UGT1A8: variants seen among roughly 807,000 people sequenced by gnomAD.
The protein encoded by UGT1A8 is UDP-glucuronosyltransferase 1A8.
UGT1A8 carries 39 observed loss-of-function variants against 45.3 expected under a neutral mutation model. That is an observed-to-expected ratio of 0.86 (90% CI 0.67 to 1.12). The LOEUF (loss-of-function observed/expected upper bound fraction) is 1.12, where lower values mean the gene tolerates loss of function less well. Ranked by LOEUF, UGT1A8 falls within the 50% of genes most tolerant of loss-of-function variation. The pLI is 0.00. For synonymous variants in UGT1A8, 275 were observed against 249.2 expected (o/e 1.10, Z -0.97); for missense variants, 719 against 664.9 (o/e 1.08, Z -0.90).
At chr2:233,648,965 T>A in intron 1 of UGT1A8, 2 of 1,440,998 alleles carry the variant, frequency 1.4e-6, no homozygotes, top group South Asian at 1.2e-5. Context: ...CCCAAACCTG[T>A]GATGCCCAAT....
chr2:233,690,168 G>A (rs967401019), intron 1 of UGT1A8, among the ~76,000 whole-genome samples: 1 of 152,284 alleles, frequency 6.6e-6, no homozygotes, highest in Admixed American at 6.5e-5. Context: ...ATGTAGTTAT[G>A]TTTTTATAGC....
intron 1 of UGT1A8, among the ~76,000 whole-genome samples, chr2:233,707,503 C>T (rs2075965043): frequency 6.7e-6 from 1 of 148,792 alleles, no homozygotes; most frequent in Non-Finnish European, 1.5e-5. Flanking sequence ...CGGTACTTAA[C>T]ATAAATAGAA....
intron 1 of UGT1A8, chr2:233,738,818 A>G (rs779696858): frequency 6.6e-6 from 1 of 152,242 alleles, no homozygotes; most frequent in Non-Finnish European, 1.5e-5. Flanking sequence ...AGAAATTTGA[A>G]TAAATAAGGA....
intron 1 of UGT1A8, chr2:233,729,228 G>A (rs752170717): frequency 1.9e-6 from 3 of 1,614,046 alleles, no homozygotes; most frequent in South Asian, 1.1e-5. Context: ...TGTTGGTGGT[G>A]CCCATTGATG....
chr2:233,766,377 A>G (rs1392093575), intron 1 of UGT1A8, among the ~76,000 whole-genome samples: 1 of 151,914 alleles, frequency 6.6e-6, no homozygotes. Flanking sequence ...AGTTCTTCTC[A>G]ATGTCCAGCT....
In UGT1A8 at chr2:233,763,074, C is replaced by T. The variant is rs112277298; in HGVS notation, c.856-3960C>T. On this transcript the variant is annotated intron_variant, in intron 1 of 4. Coordinates refer to ENST00000373450, the MANE Select transcript of UGT1A8 (RefSeq NM_019076.5). ...TTGATTTAGATAATTTCCTTCTTTGCGTGAGGATGTTTGTAGGAGAGGCAC... is the reference window on the plus strand; with the variant it reads ...TTGATTTAGATAATTTCCTTCTTTGTGTGAGGATGTTTGTAGGAGAGGCAC... Among the ~76,000 whole-genome samples, 590 of 152,258 alleles carry T rather than the reference C, an allele frequency of 3.9e-3. 2 individuals are homozygous for T. Among genetic ancestry groups the T allele is most frequent in the Admixed American group, 5.9e-3 (90 of 15,292 alleles).
chr2:233,741,958 T>C (rs4663965), intron 1 of UGT1A8: 83,397 of 151,744 alleles, frequency 0.55, 25,208 homozygotes, highest in African/African-American at 0.8. Flanking sequence ...GGTACTTTCT[T>C]GTTGTGTTTA....
At chr2:233,719,141 G>C in intron 1 of UGT1A8, 1 of 1,614,274 alleles carries the variant, frequency 6.2e-7, no homozygotes, top group Non-Finnish European at 8.5e-7. Flanking sequence ...AACATCTTCT[G>C]AAGAGATATT....
At chr2:233,731,132 C>G (rs1241024479) in intron 1 of UGT1A8, among the ~76,000 whole-genome samples, 5 of 152,006 alleles carry the variant, frequency 3.3e-5, no homozygotes, top group African/African-American at 7.3e-5. Context: ...GCAAAAGACT[C>G]TAAGCTTCAT....
intron 1 of UGT1A8, chr2:233,747,278 C>A (rs925407656): frequency 4.4e-6 from 7 of 1,599,166 alleles, no homozygotes; most frequent in Middle Eastern, 3.5e-4. Context: ...CTTCTCAGTG[C>A]CCAGCCCTGG....
Position 233,636,601 on chromosome 2 carries a change from A to G in UGT1A8, c.855+18039A>G, listed in dbSNP as rs750843376. On this transcript the variant is annotated intron_variant, in intron 1 of 4. Transcript: ENST00000373450. ...GACCTGTGGCTTTGCCGAGGCAGGG[A>G]AGCTGCTGGTAGTGCCCATGGATGG... 3.1e-6 allele frequency: 5 copies of G among 1,614,094 alleles called. No individual in the cohort carries two copies. In the South Asian group the frequency reaches 5.5e-5, roughly 18 times the overall value.
intron 1 of UGT1A8, among the ~76,000 whole-genome samples, chr2:233,676,286 T>C (rs2074353704): frequency 6.6e-6 from 1 of 152,084 alleles, no homozygotes; most frequent in Non-Finnish European, 1.5e-5. Flanking sequence ...TCCACAGGGG[T>C]CCTGCAAATA....
chr2:233,648,785 A>G, intron 1 of UGT1A8: 23 of 862,658 alleles, frequency 2.7e-5, no homozygotes, highest in Non-Finnish European at 4.1e-5. Context: ...ACTTTTAAGG[A>G]GAGAGTAAGG....
intron 1 of UGT1A8, among the ~76,000 whole-genome samples, chr2:233,711,887 T>C (rs28898595): frequency 0.1 from 15,538 of 152,074 alleles, 910 homozygotes; most frequent in East Asian, 0.2. Flanking sequence ...GCAGGACGAG[T>C]CTCATGGGCG....
At position 233,750,184 on chromosome 2, in the gene UGT1A8, G is replaced by A. The variant is rs569592101; in HGVS notation, c.856-16850G>A. Among the ~76,000 whole-genome samples, 93 of 151,970 alleles carry A rather than the reference G, an allele frequency of 6.1e-4. 1 individual carries two copies. The South Asian group carries it at 0.019, about 32-fold the overall frequency. ...TTTTGACCAAAATGCTGATAATGTT[G>A]TGGACAATGAAGTCCAGGCTGAGTC... is the stretch of plus-strand genomic sequence containing the variant. On this transcript the variant is annotated intron_variant, in intron 1 of 4. Transcript: ENST00000373450.
intron 1 of UGT1A8, chr2:233,743,388 GCA>G (rs1174910431): frequency 8.1e-7 from 1 of 1,233,944 alleles, no homozygotes; most frequent in Non-Finnish European, 1.1e-6. Context: ...CGTAGGACAT[GCA>G]GAAGGAAGAA....
intron 1 of UGT1A8, among the ~76,000 whole-genome samples, chr2:233,638,831 G>A (rs575113373): frequency 6.6e-6 from 1 of 152,326 alleles, no homozygotes; most frequent in Non-Finnish European, 1.5e-5. Context: ...TAAAAAGCAG[G>A]AAGACTACAG....
chr2:233,637,919 A>T (rs1190126292), intron 1 of UGT1A8, among the ~76,000 whole-genome samples: 1 of 152,188 alleles, frequency 6.6e-6, no homozygotes, highest in East Asian at 1.9e-4. Flanking sequence ...TAATAATTGC[A>T]TAAAATTCTT....
At chr2:233,706,326 T>A (rs559515349) in intron 1 of UGT1A8, among the ~76,000 whole-genome samples, 1 of 152,306 alleles carries the variant, frequency 6.6e-6, no homozygotes, top group East Asian at 1.9e-4. Flanking sequence ...TTGGAACTAT[T>A]CAAGCTGGTG....
Sources: allele counts gnomAD v4.1 joint callset (sites outside exome capture counted in the v4.1 genomes callset), GRCh38; gene constraint gnomAD v4.1.1; transcripts MANE v1.5; gene names NCBI Gene and HGNC (gene_info 2026-07-23, HGNC 2026-07-21).